Variants in FHIT observed in about 807,000 individuals in gnomAD.
The protein encoded by FHIT is bis(5'-adenosyl)-triphosphatase.
Under a neutral mutation model 17.9 loss-of-function variants are expected in FHIT, and 19 were observed. The observed-to-expected ratio is 1.06, with a 90% CI of 0.74 to 1.56. FHIT has a LOEUF of 1.56. Among genes scored for constraint, FHIT ranks in the 40% most tolerant of loss-of-function variants. The pLI, the probability that FHIT is intolerant of heterozygous loss-of-function variation, is 0.00. For synonymous variants in FHIT, 81 were observed against 69.7 expected, an observed-to-expected ratio of 1.16 and a Z score of -0.81; for missense variants, 248 against 189.2, an observed-to-expected ratio of 1.31 and a Z score of -1.82.
chr3:60,141,898 T>G (rs1700053749), intron 5 of FHIT, among the ~76,000 whole-genome samples: 1 of 152,182 alleles, frequency 6.6e-6, no homozygotes, highest in Admixed American at 6.5e-5. Flanking sequence ...CCTAAATCCT[T>G]AAAGTTTTCT....
intron 2 of FHIT, among the ~76,000 whole-genome samples, chr3:61,072,673 A>AT (rs1402277392): frequency 1.3e-5 from 2 of 151,880 alleles, no homozygotes; most frequent in Non-Finnish European, 2.9e-5. Flanking sequence ...GCATGGCCCT[A>AT]TTTTTTTTAT....
chr3:61,051,438 C>T (rs1371922820), intron 2 of FHIT, among the ~76,000 whole-genome samples: 3 of 151,892 alleles, frequency 2.0e-5, no homozygotes, highest in African/African-American at 4.8e-5. Flanking sequence ...TTGGTACAGA[C>T]GAGGCTTCAC....
At chr3:60,945,718 T>C (rs1032557046) in intron 3 of FHIT, among the ~76,000 whole-genome samples, 2 of 152,180 alleles carry the variant, frequency 1.3e-5, no homozygotes, top group African/African-American at 4.8e-5. Flanking sequence ...TGGGGATGGA[T>C]ACAGGTAGGC....
chr3:59,767,962 G>C (rs1047257727), intron 8 of FHIT, among the ~76,000 whole-genome samples: 1 of 152,138 alleles, frequency 6.6e-6, no homozygotes, highest in Admixed American at 6.5e-5. Context: ...GTTATTTGAT[G>C]AACTCTAGGG....
intron 8 of FHIT, among the ~76,000 whole-genome samples, chr3:59,917,334 A>G (rs1575692623): frequency 3.3e-5 from 5 of 152,214 alleles, no homozygotes; most frequent in Admixed American, 3.3e-4. Context: ...ACAACCATTC[A>G]ATGTCACCCA....
At chr3:59,953,859 G>C (rs1707252409) in intron 7 of FHIT, among the ~76,000 whole-genome samples, 2 of 152,312 alleles carry the variant, frequency 1.3e-5, no homozygotes, top group Admixed American at 6.5e-5. Flanking sequence ...GTACCTACTG[G>C]TGTACCCCCT....
At chr3:60,761,719 G>C (rs1190478898) in intron 4 of FHIT, among the ~76,000 whole-genome samples, 1 of 150,392 alleles carries the variant, frequency 6.6e-6, no homozygotes, top group Non-Finnish European at 1.5e-5. Context: ...ATGATAGTGA[G>C]ACAGACTGCT....
intron 5 of FHIT, among the ~76,000 whole-genome samples, chr3:60,094,307 C>A (rs2107109847): frequency 6.6e-6 from 1 of 152,160 alleles, no homozygotes; most frequent in African/African-American, 2.4e-5. Flanking sequence ...CTAAACAATA[C>A]CAGATCTGCC....
At position 60,319,143 on chromosome 3, in the gene FHIT, A is replaced by G. The variant is rs544268375; in HGVS notation, c.103+217717T>C. 2.0e-5 allele frequency among the ~76,000 whole-genome samples: 3 copies of G among 152,258 alleles called. No individual in the cohort carries two copies. The South Asian group carries it at 6.2e-4, about 32-fold the overall frequency. On this transcript the variant is annotated intron_variant, in intron 5 of 9. Transcript: ENST00000492590. ...ATCTGCAAAGTCCCTTTTGCCACAT[A>G]AGGTAACATTCACAGGTACCAGGAA... is the stretch of plus-strand genomic sequence containing the variant.
intron 5 of FHIT, among the ~76,000 whole-genome samples, chr3:60,142,229 C>T (rs1401692570): frequency 6.6e-6 from 1 of 152,064 alleles, no homozygotes; most frequent in Non-Finnish European, 1.5e-5. Context: ...GAACAAGTTA[C>T]ATAAACTGCA....
chr3:60,743,399 C>T (rs2042279347), intron 4 of FHIT, among the ~76,000 whole-genome samples: 1 of 152,208 alleles, frequency 6.6e-6, no homozygotes, highest in African/African-American at 2.4e-5. Flanking sequence ...GCAGCAGGTA[C>T]TGTGCTAGGT....
Position 60,838,761 on chromosome 3 carries a change from T to C in FHIT, c.-110-16750A>G, listed in dbSNP as rs545139968. ...TCACCAGGCTACAAGAAACTGATTCTGGCAGAAAAAATAAACATGTGAAAA... is the reference window on the plus strand; with the variant it reads ...TCACCAGGCTACAAGAAACTGATTCCGGCAGAAAAAATAAACATGTGAAAA... On this transcript the variant is annotated intron_variant, in intron 3 of 9. Coordinates refer to ENST00000492590, the MANE Select transcript of FHIT (RefSeq NM_002012.4). Among the ~76,000 whole-genome samples, 5 of 152,262 alleles carry C rather than the reference T, an allele frequency of 3.3e-5. No individual in the cohort carries two copies. The South Asian group carries it at 1.0e-3, about 32-fold the overall frequency.
chr3:60,796,926 G>A (rs1553730556), intron 4 of FHIT, among the ~76,000 whole-genome samples: 1 of 152,100 alleles, frequency 6.6e-6, no homozygotes, highest in African/African-American at 2.4e-5. Context: ...ATCAGGTAAT[G>A]GGGACTTTAT....
intron 5 of FHIT, among the ~76,000 whole-genome samples, chr3:60,212,539 CAT>C (rs1180791512): frequency 6.6e-6 from 1 of 152,132 alleles, no homozygotes; most frequent in African/African-American, 2.4e-5. Flanking sequence ...CTCCAAAACA[CAT>C]ATCTCTTTCA....
chr3:59,768,717 G>C (rs1203571228), intron 8 of FHIT, among the ~76,000 whole-genome samples: 2 of 152,172 alleles, frequency 1.3e-5, no homozygotes, highest in Non-Finnish European at 2.9e-5. Context: ...TTCTTGCCCA[G>C]ATAAACTTAT....
chr3:60,260,359 A>C (rs1441865612), intron 5 of FHIT, among the ~76,000 whole-genome samples: 2 of 151,898 alleles, frequency 1.3e-5, no homozygotes, highest in Non-Finnish European at 2.9e-5. Flanking sequence ...ATTTAAAAAA[A>C]AAAAAAAGAA....
chr3:61,013,602 G>A (rs924895396), intron 3 of FHIT, among the ~76,000 whole-genome samples: 7 of 151,756 alleles, frequency 4.6e-5, no homozygotes, highest in Admixed American at 4.6e-4. Context: ...AGTCCAACAA[G>A]GCAAAAAAGG....
chr3:61,198,374 C>G (rs184795924), intron 2 of FHIT, among the ~76,000 whole-genome samples: 29 of 152,258 alleles, frequency 1.9e-4, no homozygotes, highest in Middle Eastern at 3.4e-3. Flanking sequence ...AAAGAAGGAG[C>G]ATTTACTTAG....
chr3:60,514,094 A>G (rs2035053658), intron 5 of FHIT, among the ~76,000 whole-genome samples: 1 of 152,122 alleles, frequency 6.6e-6, no homozygotes, highest in Non-Finnish European at 1.5e-5. Context: ...TTCATCACCC[A>G]ATAAAATCCT....
Sources: gnomAD v4.1 joint callset for allele counts (sites outside exome capture counted in the v4.1 genomes callset) on GRCh38, gnomAD v4.1.1 for gene constraint, MANE v1.5 for transcripts, NCBI Gene and HGNC (gene_info 2026-07-23, HGNC 2026-07-21) for gene names.